KLHL18: variants seen among roughly 807,000 people sequenced by gnomAD.
KLHL18 encodes kelch-like protein 18.
KLHL18 carries 38 observed loss-of-function variants against 58.5 expected under a neutral mutation model. The ratio of observed to expected loss-of-function variants is 0.65; its 90% CI spans 0.50 to 0.85. The LOEUF is 0.85. Among genes scored for constraint, KLHL18 ranks in the 40% least tolerant of loss-of-function variants. KLHL18 has a pLI of 0.00. For synonymous variants in KLHL18, 303 were observed against 301.9 expected (o/e 1.00, Z -0.04); for missense variants, 624 against 778.4 (o/e 0.80, Z 2.36).
intron 3 of KLHL18, among the ~76,000 whole-genome samples, chr3:47,323,932 G>A (rs1436249305): frequency 6.6e-6 from 1 of 152,160 alleles, no homozygotes; most frequent in Non-Finnish European, 1.5e-5. Context: ...CTGCCCACAC[G>A]GTGCTCATGG....
intron 1 of KLHL18, among the ~76,000 whole-genome samples, chr3:47,293,302 A>G (rs927242496): frequency 6.6e-6 from 1 of 152,250 alleles, no homozygotes; most frequent in Non-Finnish European, 1.5e-5. Flanking sequence ...TCCAATTTTC[A>G]AAAGATAATT....
intron 3 of KLHL18, among the ~76,000 whole-genome samples, chr3:47,329,608 A>T (rs1703807471): frequency 6.6e-6 from 1 of 152,164 alleles, no homozygotes; most frequent in African/African-American, 2.4e-5. Context: ...CTGGACACTC[A>T]ACCAGGAATT....
chr3:47,317,369 C>T (rs1411261268), intron 1 of KLHL18, among the ~76,000 whole-genome samples: 3 of 152,146 alleles, frequency 2.0e-5, no homozygotes, highest in African/African-American at 4.8e-5. Flanking sequence ...CCGCCTCAGG[C>T]TCCCAAAGTG....
chr3:47,285,454 C>T (rs1045604896), intron 1 of KLHL18, among the ~76,000 whole-genome samples: 1 of 152,148 alleles, frequency 6.6e-6, no homozygotes, highest in East Asian at 1.9e-4. Context: ...CCGTGGCTCA[C>T]GCCTATTATC....
At chr3:47,315,179 C>A (rs1411106915) in intron 1 of KLHL18, among the ~76,000 whole-genome samples, 3 of 152,122 alleles carry the variant, frequency 2.0e-5, no homozygotes, top group African/African-American at 7.2e-5. Flanking sequence ...GCCAGAGGAA[C>A]TGAAAGTGCC....
At chr3:47,305,549 G>A (rs1703127190) in intron 1 of KLHL18, among the ~76,000 whole-genome samples, 1 of 151,926 alleles carries the variant, frequency 6.6e-6, no homozygotes, top group Non-Finnish European at 1.5e-5. Context: ...ATATATTCAT[G>A]AGGGATATTG....
intron 1 of KLHL18, among the ~76,000 whole-genome samples, chr3:47,300,042 C>A (rs1462486503): frequency 6.6e-6 from 1 of 150,690 alleles, no homozygotes; most frequent in Non-Finnish European, 1.5e-5. Flanking sequence ...GTTTCTCTGT[C>A]TCTCCCCGCC....
chr3:47,307,809 CT>C (rs1432400444), intron 1 of KLHL18, among the ~76,000 whole-genome samples: 4 of 152,164 alleles, frequency 2.6e-5, no homozygotes, highest in Non-Finnish European at 5.9e-5. Context: ...AGTGGACTCT[CT>C]TTTCCATATT....
intron 2 of KLHL18, among the ~76,000 whole-genome samples, chr3:47,320,081 ATAT>A (rs1289393291): frequency 1.4e-5 from 2 of 146,450 alleles, no homozygotes; most frequent in African/African-American, 5.1e-5. Context: ...GAGTGGTGGT[ATAT>A]TATTCTCTGC....
intron 1 of KLHL18, among the ~76,000 whole-genome samples, chr3:47,313,047 C>T (rs928914907): frequency 1.3e-5 from 2 of 151,334 alleles, no homozygotes; most frequent in Non-Finnish European, 2.9e-5. Flanking sequence ...GTAGCTGGGA[C>T]TACAGGCGCC....
rs767695426 is a variant in KLHL18 at position 47,333,239 on chromosome 3, G to A, written c.683G>A (p.Arg228His). 2.5e-6 allele frequency: 4 copies of A among 1,613,936 alleles called. No homozygotes were observed. The highest frequency in any genetic ancestry group is 1.1e-5 in the South Asian group (1 of 91,076). Residue 228 changes from arginine (R) to histidine (H), a missense_variant, in exon 5 of 10, where the codon CGC (arginine) becomes CAC (histidine). Physicochemically the swap from Arg to His is conservative, Grantham distance 29. Coordinates refer to ENST00000232766, the MANE Select transcript of KLHL18 (RefSeq NM_025010.5). The stretch of plus-strand genomic sequence containing the variant: ...CTGCCTGAGCTGCTGTCCAATATCC[G>A]CCTGCCCCTCTGTCGGCCCCAGTTC... ...PYLPELLSNIRLPLCRPQFLS... is the reference protein window; with the variant it reads ...PYLPELLSNIHLPLCRPQFLS...
At chr3:47,320,999 A>C (rs575022324) in intron 2 of KLHL18, among the ~76,000 whole-genome samples, 2 of 152,176 alleles carry the variant, frequency 1.3e-5, no homozygotes, top group African/African-American at 4.8e-5. Flanking sequence ...GTGCCCTCCT[A>C]TTCTCTGAGG....
At chr3:47,315,097 G>A (rs1703389653) in intron 1 of KLHL18, among the ~76,000 whole-genome samples, 1 of 152,112 alleles carries the variant, frequency 6.6e-6, no homozygotes, top group African/African-American at 2.4e-5. Flanking sequence ...TAGTAAGAGG[G>A]GAAAGACATA....
At chr3:47,328,451 G>A (rs1056308870) in intron 3 of KLHL18, among the ~76,000 whole-genome samples, 4 of 152,150 alleles carry the variant, frequency 2.6e-5, no homozygotes, top group Non-Finnish European at 5.9e-5. Flanking sequence ...GCCCTAAGAG[G>A]TGGGTAGCTG....
intron 1 of KLHL18, among the ~76,000 whole-genome samples, chr3:47,287,685 A>G (rs761201935): frequency 6.6e-6 from 1 of 152,072 alleles, no homozygotes; most frequent in African/African-American, 2.4e-5. Flanking sequence ...GGGTTTTACC[A>G]TGTTGGCCAG....
chr3:47,344,138 G>T lies in KLHL18; in HGVS notation c.*197G>T. The stretch of plus-strand genomic sequence containing the variant: ...ACCTTCAGGCTTGGGTCATCAAGAT[G>T]CACAGCATGGAACACAAGCTCCTCT... On this transcript the variant is annotated 3_prime_UTR_variant, in exon 10 of 10. Transcript: ENST00000232766. 1 of 623,502 alleles carries T rather than the reference G, an allele frequency of 1.6e-6. No homozygotes were observed. The highest frequency in any genetic ancestry group is 2.7e-6 in the Non-Finnish European group (1 of 364,220). The allele number at this position is 623,502 out of a possible 1,614,324, so 38.6% of individuals were successfully genotyped here.
At chr3:47,336,216 C>T (rs1382573510) in intron 6 of KLHL18, among the ~76,000 whole-genome samples, 1 of 152,242 alleles carries the variant, frequency 6.6e-6, no homozygotes, top group African/African-American at 2.4e-5. Context: ...GCCCGTCCCT[C>T]TGGCATGCCT....
At chr3:47,322,799 G>A in intron 3 of KLHL18, 91 bp downstream of exon 3, 2 of 1,252,128 alleles carry the variant, frequency 1.6e-6, no homozygotes, top group Non-Finnish European at 2.1e-6. Flanking sequence ...ACCATATATA[G>A]GTTTATGAAG....
At chr3:47,317,558 TAAAAC>T (rs1220576096) in intron 1 of KLHL18, among the ~76,000 whole-genome samples, 1 of 152,120 alleles carries the variant, frequency 6.6e-6, no homozygotes, top group Non-Finnish European at 1.5e-5. Flanking sequence ...ACAGACAACT[TAAAAC>T]AAACAACTGA....
Sources: allele counts gnomAD v4.1 joint callset (sites outside exome capture counted in the v4.1 genomes callset), GRCh38; gene constraint gnomAD v4.1.1; transcripts MANE v1.5; gene names NCBI Gene and HGNC (gene_info 2026-07-23, HGNC 2026-07-21).